The following HELLS variants were observed in gnomAD, a reference collection of about 807,000 sequenced individuals.
HELLS encodes the protein lymphoid-specific helicase.
Under a neutral mutation model 120.0 loss-of-function variants are expected in HELLS, and 32 were observed. That is an observed-to-expected ratio of 0.27 (90% CI 0.20 to 0.36). The LOEUF (loss-of-function observed/expected upper bound fraction) is 0.36, where lower values mean the gene tolerates loss of function less well. HELLS is among the 10% of genes least tolerant of loss of function. The pLI, the probability that HELLS is intolerant of heterozygous loss-of-function variation, is 1.00. For synonymous variants in HELLS, 341 were observed against 323.4 expected (o/e 1.05, Z -0.58); for missense variants, 650 against 993.4 (o/e 0.65, Z 4.65).
At chr10:94,565,734 C>T (rs533707978) in intron 6 of HELLS, among the ~76,000 whole-genome samples, 1 of 152,230 alleles carries the variant, frequency 6.6e-6, no homozygotes, top group South Asian at 2.1e-4. Context: ...GAAGTTTAGC[C>T]AGTCATACAG....
At position 94,589,680 on chromosome 10, in the gene HELLS, CTTT is replaced by C. The variant is rs67491329; in HGVS notation, c.1489-711_1489-709del. Reference sequence around the variant, plus strand: ...GACCACCAGACTCTTCTCCCCCCGACTTTTTTTTTTTTTTTTTTTTTTTTGAGA... The same window carrying C: ...GACCACCAGACTCTTCTCCCCCCGACTTTTTTTTTTTTTTTTTTTTTGAGA... On this transcript the variant is annotated intron_variant, in intron 13 of 21. Coordinates refer to ENST00000348459, the MANE Select transcript of HELLS (RefSeq NM_018063.5). Among the ~76,000 whole-genome samples, 102 of 91,968 alleles carry C rather than the reference CTTT, an allele frequency of 1.1e-3. 1 individual carries two copies. The highest frequency in any genetic ancestry group is 8.8e-3 in the East Asian group (26 of 2,964). The allele number at this position is 91,968 out of a possible 152,430, so 60.3% of individuals were successfully genotyped here.
chr10:94,606,073 C>CT (rs1453734069), downstream of HELLS, among the ~76,000 whole-genome samples: 414 of 116,314 alleles, frequency 3.6e-3, 1 homozygote, highest in Middle Eastern at 0.013. Flanking sequence ...TTTTTTTTTT[C>CT]TTTTTTTTTT....
At chr10:94,559,686 C>T (rs950914384) in intron 4 of HELLS, among the ~76,000 whole-genome samples, 1 of 151,878 alleles carries the variant, frequency 6.6e-6, no homozygotes, top group African/African-American at 2.4e-5. Flanking sequence ...CCTCATGATC[C>T]ACCCGCCTCA....
At chr10:94,578,940 G>A (rs1237035330) in intron 10 of HELLS, among the ~76,000 whole-genome samples, 1 of 152,152 alleles carries the variant, frequency 6.6e-6, no homozygotes, top group Non-Finnish European at 1.5e-5. Flanking sequence ...GCAGTGGGGA[G>A]TGGCTGTAAA....
At chr10:94,560,230 C>A (rs1335767426) in intron 4 of HELLS, among the ~76,000 whole-genome samples, 2 of 152,158 alleles carry the variant, frequency 1.3e-5, no homozygotes, top group Non-Finnish European at 2.9e-5. Context: ...CAGGGTTTCA[C>A]CATCTTGGCC....
chr10:94,573,453 ATATTT>A (rs72368124), intron 7 of HELLS, among the ~76,000 whole-genome samples: 20 of 149,778 alleles, frequency 1.3e-4, no homozygotes, highest in South Asian at 4.3e-4. Flanking sequence ...TCAGATTTTT[ATATTT>A]TATTTTATTT....
chr10:94,596,622 G>A (rs932041978), intron 19 of HELLS, among the ~76,000 whole-genome samples: 1 of 152,034 alleles, frequency 6.6e-6, no homozygotes, highest in African/African-American at 2.4e-5. Context: ...TGCATTTTTT[G>A]GTCCTTGATC....
At chr10:94,553,679 G>T (rs1843098295) in intron 2 of HELLS, among the ~76,000 whole-genome samples, 1 of 151,182 alleles carries the variant, frequency 6.6e-6, no homozygotes, top group African/African-American at 2.4e-5. Context: ...CTCCCAAGTA[G>T]CTGGGATTAC....
intron 19 of HELLS, among the ~76,000 whole-genome samples, chr10:94,595,304 G>T (rs1173144995): frequency 6.6e-6 from 1 of 152,006 alleles, no homozygotes; most frequent in East Asian, 1.9e-4. Flanking sequence ...AAACTAAGTT[G>T]GTCACCATAG....
At chr10:94,558,963 A>G (rs1843411216) in intron 4 of HELLS, among the ~76,000 whole-genome samples, 1 of 152,134 alleles carries the variant, frequency 6.6e-6, no homozygotes, top group South Asian at 2.1e-4. Flanking sequence ...CCCATTTTAC[A>G]TAAATAGGCT....
intron 10 of HELLS, among the ~76,000 whole-genome samples, chr10:94,579,559 C>T (rs1419455576): frequency 2.7e-5 from 4 of 148,336 alleles, no homozygotes; most frequent in African/African-American, 5.0e-5. Context: ...TTTTTTGGTC[C>T]GAGACAGGGT....
chr10:94,585,688 GA>G (rs1452237195), intron 12 of HELLS, among the ~76,000 whole-genome samples: 2 of 149,408 alleles, frequency 1.3e-5, no homozygotes. Flanking sequence ...CTGGCCAACA[GA>G]TTTTTTTTTT....
chr10:94,552,526 GTA>G (rs1843036634), intron 2 of HELLS, among the ~76,000 whole-genome samples: 1 of 152,152 alleles, frequency 6.6e-6, no homozygotes, highest in Non-Finnish European at 1.5e-5. Flanking sequence ...TTACTGCTAT[GTA>G]TATGTCTTTA....
rs1244515915 is a variant in HELLS at position 94,592,427 on chromosome 10, G to A, written c.1884G>A (p.Leu628=). Residue 628 remains leucine (L), a synonymous_variant, in exon 17 of 22, where the codon TTG becomes TTA. Transcript: ENST00000348459. ...VLLFSQMTSM[L]DILMDYCHLR... is the part of the protein sequence containing the mutation. ...TTTTTTCACAAATGACAAGCATGTT[G>A]GACATTTTGATGGATTACTGCCATC... is the stretch of plus-strand genomic sequence containing the variant. 1.3e-6 allele frequency: 2 copies of A among 1,589,134 alleles called. No homozygotes were observed. The highest frequency in any genetic ancestry group is 1.4e-5 in the African/African-American group (1 of 73,632).
intron 9 of HELLS, among the ~76,000 whole-genome samples, chr10:94,575,203 A>T (rs916147445): frequency 6.7e-6 from 1 of 149,400 alleles, no homozygotes; most frequent in African/African-American, 2.5e-5. Flanking sequence ...ATGATGAAGC[A>T]ATTCTTGTGC....
intron 3 of HELLS, among the ~76,000 whole-genome samples, chr10:94,554,528 C>T (rs1247012468): frequency 6.6e-6 from 1 of 151,870 alleles, no homozygotes; most frequent in Non-Finnish European, 1.5e-5. Context: ...ATTGTTTTTT[C>T]CTAGAAAATT....
chr10:94,545,930 G>A lies in HELLS; in HGVS notation c.9G>A (p.Ala3=). ...CGGGTGAGTGTCCAGGCATGCCAGC[G>A]GAACGGCCCGCGGGCAGCGGCGGTG... MP[A]ERPAGSGGSE... is the part of the protein sequence containing the mutation. Residue 3 remains alanine (A), a synonymous_variant, in exon 1 of 22, where the codon GCG becomes GCA. Transcript: ENST00000348459. 1 of 1,556,162 alleles carries A rather than the reference G, an allele frequency of 6.4e-7. No individual in the cohort carries two copies. The highest frequency in any genetic ancestry group is 8.7e-7 in the Non-Finnish European group (1 of 1,149,292).
At chr10:94,589,491 A>T (rs980790787) in intron 13 of HELLS, among the ~76,000 whole-genome samples, 18 of 152,302 alleles carry the variant, frequency 1.2e-4, no homozygotes, top group African/African-American at 3.9e-4. Flanking sequence ...GATGATGATT[A>T]TTCATCACCC....
chr10:94,592,996 T>TA (rs1845565432), intron 17 of HELLS, among the ~76,000 whole-genome samples: 2 of 152,336 alleles, frequency 1.3e-5, no homozygotes, highest in East Asian at 1.9e-4. Context: ...ATATAGATGA[T>TA]ACTACCCTTT....
Sources: gnomAD v4.1 joint callset for allele counts (sites outside exome capture counted in the v4.1 genomes callset) on GRCh38, gnomAD v4.1.1 for gene constraint, MANE v1.5 for transcripts, NCBI Gene and HGNC (gene_info 2026-07-23, HGNC 2026-07-21) for gene names.